ADD1: variants seen among roughly 807,000 people sequenced by gnomAD.
ADD1 encodes the protein adducin 1, also known as alpha-adducin.
ADD1 carries 24 observed loss-of-function variants against 80.5 expected under a neutral mutation model. The observed-to-expected ratio is 0.30, with a 90% CI of 0.22 to 0.42. The LOEUF (loss-of-function observed/expected upper bound fraction) is 0.42. Ranked by LOEUF, ADD1 falls within the 10% of genes least tolerant of loss-of-function variation. The pLI, the probability that ADD1 is intolerant of heterozygous loss-of-function variation, is 1.00. For missense variants in ADD1, 948 were observed against 1,019.0 expected (o/e 0.93, Z 0.95); for synonymous variants, 373 against 393.8 (o/e 0.95, Z 0.63).
At chr4:2,914,290 T>C (rs547549885) in intron 13 of ADD1, among the ~76,000 whole-genome samples, 36 of 152,342 alleles carry the variant, frequency 2.4e-4, no homozygotes, top group Non-Finnish European at 4.9e-4. Context: ...CTTTTTTTCT[T>C]TGGTACAAAT....
rs533525318 is a variant in ADD1 at position 2,869,192 on chromosome 4, G to T, written c.-20-6704G>T. Among the ~76,000 whole-genome samples, 4 of 152,224 alleles carry T rather than the reference G, an allele frequency of 2.6e-5. No individual in the cohort carries two copies. The East Asian group carries it at 5.8e-4, about 22-fold the overall frequency. On this transcript the variant is annotated intron_variant, in intron 1 of 15. Transcript: ENST00000683351. ...GCTGTAACAAAGTGCCACAGACCAGGGGCTTAAACAACAGTAATGTGTCAT... is the reference window on the plus strand; with the variant it reads ...GCTGTAACAAAGTGCCACAGACCAGTGGCTTAAACAACAGTAATGTGTCAT...
At chr4:2,898,624 G>A in intron 8 of ADD1, 93 bp downstream of exon 8, 1 of 1,064,850 alleles carries the variant, frequency 9.4e-7, no homozygotes, top group Non-Finnish European at 1.5e-6. Flanking sequence ...AGTAGGAGAG[G>A]AGTCTTTGAG....
At chr4:2,869,946 C>T (rs1360995273) in intron 1 of ADD1, among the ~76,000 whole-genome samples, 7 of 152,150 alleles carry the variant, frequency 4.6e-5, no homozygotes, top group Non-Finnish European at 8.8e-5. Flanking sequence ...TATTAGCTGA[C>T]AATCAAAGAG....
chr4:2,883,757 C>T (rs1054904881), intron 3 of ADD1, among the ~76,000 whole-genome samples: 2 of 151,894 alleles, frequency 1.3e-5, no homozygotes, highest in African/African-American at 2.4e-5. Flanking sequence ...CTGTAAGCTC[C>T]GCCTCCTGGG....
chr4:2,894,175 A>G, intron 5 of ADD1, 82 bp downstream of exon 5: 1 of 1,128,474 alleles, frequency 8.9e-7, no homozygotes, highest in Non-Finnish European at 1.3e-6. Context: ...CTAAATATGT[A>G]AAACCCAAGA....
At chr4:2,897,078 A>G (rs1735370720) in intron 6 of ADD1, among the ~76,000 whole-genome samples, 1 of 152,172 alleles carries the variant, frequency 6.6e-6, no homozygotes, top group African/African-American at 2.4e-5. Context: ...AATTATCAAA[A>G]TAATTTTGCT....
intron 2 of ADD1, 78 bp from the exon 3 acceptor site, chr4:2,881,820 A>C (rs760130500): frequency 1.5e-6 from 2 of 1,340,418 alleles, no homozygotes; most frequent in Admixed American, 2.9e-5. Flanking sequence ...AAATTGGTCT[A>C]TGTGATAGCT....
chr4:2,897,095 G>A (rs1735373256), intron 6 of ADD1, among the ~76,000 whole-genome samples: 1 of 152,104 alleles, frequency 6.6e-6, no homozygotes, highest in Admixed American at 6.5e-5. Flanking sequence ...TGCTTGGTAA[G>A]GAAATTTCTT....
At chr4:2,861,028 A>T (rs1462209660) in intron 1 of ADD1, among the ~76,000 whole-genome samples, 2 of 152,226 alleles carry the variant, frequency 1.3e-5, no homozygotes, top group African/African-American at 4.8e-5. Flanking sequence ...AAACTTCAAA[A>T]TTTCCAGTTG....
At chr4:2,881,730 G>T in intron 2 of ADD1, 168 bp from the exon 3 acceptor site, 1 of 460,476 alleles carries the variant, frequency 2.2e-6, no homozygotes. Context: ...TTACTTTCTA[G>T]AAAAGAATGT....
intron 4 of ADD1, among the ~76,000 whole-genome samples, chr4:2,889,634 C>G (rs919754221): frequency 6.6e-6 from 1 of 151,786 alleles, no homozygotes; most frequent in Non-Finnish European, 1.5e-5. Context: ...CCAGCCTGAC[C>G]AACATGATGA....
chr4:2,860,057 T>G (rs182448542), intron 1 of ADD1, among the ~76,000 whole-genome samples: 52 of 152,284 alleles, frequency 3.4e-4, no homozygotes, highest in Non-Finnish European at 6.0e-4. Flanking sequence ...TACTGATGTG[T>G]CTGGTCAACC....
In ADD1 at chr4:2,914,832, G is replaced by A. The variant is rs114287569; in HGVS notation, c.1792-52G>A. 4,436 of 1,535,306 alleles carry A rather than the reference G, an allele frequency of 2.9e-3. 88 individuals carry two copies. In the African/African-American group the frequency reaches 0.046, roughly 16 times the overall value. On this transcript the variant is annotated intron_variant, in intron 13 of 15. Coordinates refer to ENST00000683351, the MANE Select transcript of ADD1 (RefSeq NM_001354761.2). The stretch of plus-strand genomic sequence containing the variant: ...CCTGCAGCCTGCCTGGGAGGAGGGA[G>A]AGTCCCCATCGGGCCGGGCTCCTGC...
In ADD1 at chr4:2,896,513, A is replaced by C. The variant is rs150328937; in HGVS notation, c.742-1671A>C. ...CATGAGCCACCACGTCCGACCTGAT[A>C]TTGATGTTTTAATGTCATGTGTGTT... is the stretch of plus-strand genomic sequence containing the variant. On this transcript the variant is annotated intron_variant, in intron 6 of 15. Coordinates refer to ENST00000683351, the MANE Select transcript of ADD1 (RefSeq NM_001354761.2). Among the ~76,000 whole-genome samples, 176 of 151,992 alleles carry C rather than the reference A, an allele frequency of 1.2e-3. 1 individual carries two copies. Among genetic ancestry groups the C allele is most frequent in the Admixed American group, 3.6e-3 (55 of 15,266 alleles).
In ADD1 at chr4:2,865,182, T is replaced by TC. The variant is rs1464945091; in HGVS notation, c.-20-10712dup. Reference sequence around the variant, plus strand: ...ACACTATTTTCTCTTGTTTTTTTTTTCCTGCCTGACAGTATTTCCTTGTTT... The same window carrying TC: ...ACACTATTTTCTCTTGTTTTTTTTTTCCCTGCCTGACAGTATTTCCTTGTTT... On this transcript the variant is annotated intron_variant, in intron 1 of 15. Coordinates refer to ENST00000683351, the MANE Select transcript of ADD1 (RefSeq NM_001354761.2). Among the ~76,000 whole-genome samples the TC allele has an allele frequency of 2.6e-5, 4 of 152,306 alleles. No homozygotes were observed. The East Asian group carries it at 7.7e-4, about 29-fold the overall frequency.
chr4:2,881,829 C>G (rs1732400281), intron 2 of ADD1, 69 bp from the exon 3 acceptor site: 7 of 1,419,160 alleles, frequency 4.9e-6, no homozygotes, highest in Non-Finnish European at 6.6e-6. Flanking sequence ...TATGTGATAG[C>G]TACTTCTGAC....
intron 14 of ADD1, among the ~76,000 whole-genome samples, chr4:2,924,399 C>T (rs1304590985): frequency 1.3e-5 from 2 of 152,168 alleles, no homozygotes; most frequent in Non-Finnish European, 2.9e-5. Context: ...GTGCTGGCAC[C>T]AAGAAGAACC....
Position 2,904,759 on chromosome 4 carries a change from C to G in ADD1, c.1162-5C>G. On this transcript the variant is annotated splice_polypyrimidine_tract_variant and splice_region_variant and intron_variant, in intron 9 of 15. Coordinates refer to ENST00000683351, the MANE Select transcript of ADD1 (RefSeq NM_001354761.2). ...TGACTGTCTTTCACTCTCCTTGGAC[C>G]CTAGGGCTACAGAACTGGCTACCCT... 6.2e-7 allele frequency: 1 copy of G among 1,610,672 alleles called. No homozygotes were observed. Among genetic ancestry groups the G allele is most frequent in the Non-Finnish European group, 8.5e-7 (1 of 1,176,962 alleles).
chr4:2,861,310 C>A (rs1004346922), intron 1 of ADD1, among the ~76,000 whole-genome samples: 3 of 152,116 alleles, frequency 2.0e-5, no homozygotes, highest in Non-Finnish European at 2.9e-5. Context: ...GAACTCTTGG[C>A]CCCAAGTGGT....
Sources: allele counts gnomAD v4.1 joint callset (sites outside exome capture counted in the v4.1 genomes callset), GRCh38; gene constraint gnomAD v4.1.1; transcripts MANE v1.5; gene names NCBI Gene and HGNC (gene_info 2026-07-23, HGNC 2026-07-21).